ZNF407: variants seen among roughly 807,000 people sequenced by gnomAD.
ZNF407 encodes the protein zinc finger protein 407.
A neutral mutation model predicts 131.2 loss-of-function variants in ZNF407; 17 were observed. The observed-to-expected ratio is 0.13, with a 90% CI of 0.09 to 0.19. The LOEUF (loss-of-function observed/expected upper bound fraction) is 0.19. ZNF407 is among the 10% of genes least tolerant of loss of function. The pLI, the probability that ZNF407 is intolerant of heterozygous loss-of-function variation, is 1.00. For missense variants in ZNF407, 2,681 were observed against 2,830.6 expected, an observed-to-expected ratio of 0.95 and a Z score of 1.20; for synonymous variants, 1,156 against 1,062.0, an observed-to-expected ratio of 1.09 and a Z score of -1.72.
chr18:74,631,544 T>A lies in ZNF407; in HGVS notation c.525T>A (p.Val175=). 6.2e-7 allele frequency: 1 copy of A among 1,613,850 alleles called. No homozygotes were observed. Among genetic ancestry groups the A allele is most frequent in the Non-Finnish European group, 8.5e-7 (1 of 1,179,906 alleles). The part of the protein sequence containing the change: ...ESPFPPKEIS[V]SCTIGNVDTV... ...CTTTCCCCCCGAAAGAAATTAGTGT[T>A]AGTTGTACCATTGGGAATGTAGATA... Residue 175 remains valine, a synonymous_variant, in exon 2 of 9, where the codon GTT becomes GTA. Coordinates refer to ENST00000299687, the MANE Select transcript of ZNF407 (RefSeq NM_017757.3).
chr18:74,953,101 A>G (rs963247323), intron 8 of ZNF407, among the ~76,000 whole-genome samples: 5 of 152,180 alleles, frequency 3.3e-5, no homozygotes, highest in African/African-American at 1.2e-4. Flanking sequence ...GTTTTTTGCA[A>G]AAAGTCACTC....
At chr18:75,040,890 C>T (rs1973364577) in intron 8 of ZNF407, among the ~76,000 whole-genome samples, 1 of 152,130 alleles carries the variant, frequency 6.6e-6, no homozygotes, top group Admixed American at 6.5e-5. Flanking sequence ...CGGTAGAGCT[C>T]CACGTGTGAT....
intron 4 of ZNF407, among the ~76,000 whole-genome samples, chr18:74,822,293 G>C (rs557437029): frequency 6.6e-6 from 1 of 151,868 alleles, no homozygotes; most frequent in Non-Finnish European, 1.5e-5. Context: ...GTCAATTTTG[G>C]CTTTTGTTGC....
chr18:74,981,292 G>A (rs1296795226), intron 8 of ZNF407, among the ~76,000 whole-genome samples: 1 of 152,212 alleles, frequency 6.6e-6, no homozygotes, highest in African/African-American at 2.4e-5. Context: ...TGTCCGCAGT[G>A]CCCTGGGCAG....
At chr18:74,941,223 C>G (rs1322878440) in intron 8 of ZNF407, among the ~76,000 whole-genome samples, 2 of 152,340 alleles carry the variant, frequency 1.3e-5, no homozygotes, top group South Asian at 2.1e-4. Flanking sequence ...AAAGGACTTT[C>G]ACTGATCTCT....
intron 4 of ZNF407, among the ~76,000 whole-genome samples, chr18:74,794,815 G>A (rs1969889855): frequency 6.6e-6 from 1 of 152,090 alleles, no homozygotes; most frequent in African/African-American, 2.4e-5. Context: ...AGTTGCATAC[G>A]ATGCTTAATA....
chr18:74,800,292 A>G (rs144676403), intron 4 of ZNF407, among the ~76,000 whole-genome samples: 135 of 152,172 alleles, frequency 8.9e-4, no homozygotes, highest in Non-Finnish European at 1.6e-3. Flanking sequence ...TTCTTATGCT[A>G]ATTTTGTGCA....
At chr18:74,755,725 TTTCCTTTC>T (rs1482628463) in intron 3 of ZNF407, among the ~76,000 whole-genome samples, 2 of 107,946 alleles carry the variant, frequency 1.9e-5, no homozygotes, top group African/African-American at 7.4e-5. Flanking sequence ...CTCTTCTTTC[TTTCCTTTC>T]TTTCTTTCTT....
rs574450078 is a variant in ZNF407, at chr18:74,948,656, C to A, written c.5428+27964C>A. Among the ~76,000 whole-genome samples, 6 of 152,242 alleles carry A rather than the reference C, an allele frequency of 3.9e-5. No homozygotes were observed. In the South Asian group the frequency reaches 1.2e-3, roughly 32 times the overall value. On this transcript the variant is annotated intron_variant, in intron 8 of 8. Coordinates refer to ENST00000299687, the MANE Select transcript of ZNF407 (RefSeq NM_017757.3). ...AAAAAATAATTCTCTCTCATCACAT[C>A]CATATGACATCAATCCTAAGGAAAG... is the stretch of plus-strand genomic sequence containing the variant.
At chr18:74,813,752 C>T (rs1410356515) in intron 4 of ZNF407, among the ~76,000 whole-genome samples, 2 of 152,148 alleles carry the variant, frequency 1.3e-5, no homozygotes, top group African/African-American at 4.8e-5. Context: ...CTGGTAGCTC[C>T]CACAGCTTAC....
intron 8 of ZNF407, among the ~76,000 whole-genome samples, chr18:74,935,915 C>G (rs1005580006): frequency 2.6e-5 from 4 of 152,162 alleles, no homozygotes; most frequent in African/African-American, 9.7e-5. Context: ...TGTATTATCT[C>G]CATCCATATT....
At chr18:74,702,603 G>A (rs1449841582) in intron 3 of ZNF407, among the ~76,000 whole-genome samples, 1 of 152,030 alleles carries the variant, frequency 6.6e-6, no homozygotes, top group Non-Finnish European at 1.5e-5. Context: ...GATACATTTA[G>A]TTCTTCTATG....
intron 4 of ZNF407, among the ~76,000 whole-genome samples, chr18:74,796,727 A>G (rs375486662): frequency 2.8e-4 from 42 of 152,256 alleles, no homozygotes; most frequent in African/African-American, 9.1e-4. Context: ...TTAAAAATGC[A>G]CGCTCGAAGC....
intron 8 of ZNF407, among the ~76,000 whole-genome samples, chr18:75,058,194 T>G (rs1973583496): frequency 6.6e-6 from 1 of 152,144 alleles, no homozygotes; most frequent in Non-Finnish European, 1.5e-5. Flanking sequence ...AGATGTTGGC[T>G]TCAAGCACGC....
At chr18:75,031,088 A>AG (rs1973234415) in intron 8 of ZNF407, among the ~76,000 whole-genome samples, 29 of 152,340 alleles carry the variant, frequency 1.9e-4, no homozygotes, top group South Asian at 1.5e-3. Context: ...ACATAGCAGC[A>AG]GTTCACTCAC....
chr18:74,652,515 C>T (rs1340805891), intron 3 of ZNF407, among the ~76,000 whole-genome samples: 1 of 151,600 alleles, frequency 6.6e-6, no homozygotes, highest in Non-Finnish European at 1.5e-5. Context: ...TTATATTTTC[C>T]CCCCATGCTG....
chr18:74,662,903 C>T (rs1386546801), intron 3 of ZNF407, among the ~76,000 whole-genome samples: 1 of 152,162 alleles, frequency 6.6e-6, no homozygotes, highest in Non-Finnish European at 1.5e-5. Context: ...GAAGTAAAAT[C>T]AATGTGTTGT....
intron 1 of ZNF407, among the ~76,000 whole-genome samples, chr18:74,619,452 C>CATAT (rs1346023031): frequency 1.3e-5 from 2 of 152,132 alleles, no homozygotes; most frequent in Non-Finnish European, 2.9e-5. Context: ...CCTTGACATT[C>CATAT]ATATGTTATA....
intron 4 of ZNF407, among the ~76,000 whole-genome samples, chr18:74,845,214 G>A (rs1970685711): frequency 6.6e-6 from 1 of 152,208 alleles, no homozygotes; most frequent in African/African-American, 2.4e-5. Flanking sequence ...AAAGCACTGT[G>A]ATATGTTGGT....
Sources: allele counts gnomAD v4.1 joint callset (sites outside exome capture counted in the v4.1 genomes callset), GRCh38; gene constraint gnomAD v4.1.1; transcripts MANE v1.5; gene names NCBI Gene and HGNC (gene_info 2026-07-23, HGNC 2026-07-21).